Variants in COL21A1 observed in about 807,000 individuals in gnomAD.
The protein encoded by COL21A1 is collagen alpha-1(XXI) chain.
In COL21A1, 149 loss-of-function variants were observed where a neutral mutation model predicts 137.9. The observed-to-expected ratio is 1.08, with a 90% CI of 0.95 to 1.24. COL21A1 has a LOEUF of 1.24. Ranked by LOEUF, COL21A1 falls within the 50% of genes most tolerant of loss-of-function variation. COL21A1 has a pLI of 0.00. For missense variants in COL21A1, 1,167 were observed against 1,158.4 expected, an observed-to-expected ratio of 1.01 and a Z score of -0.11; for synonymous variants, 456 against 391.5, an observed-to-expected ratio of 1.16 and a Z score of -1.95.
At chr6:56,255,334 G>GGT (rs71783697) in intron 1 of COL21A1, among the ~76,000 whole-genome samples, 32,102 of 145,214 alleles carry the variant, frequency 0.22, 3,647 homozygotes, top group African/African-American at 0.27. Flanking sequence ...TTGTTAAGAG[G>GGT]GTGTGTGTGT....
chr6:56,267,233 A>G (rs1236189592), intron 1 of COL21A1, among the ~76,000 whole-genome samples: 2 of 152,252 alleles, frequency 1.3e-5, no homozygotes, highest in African/African-American at 4.8e-5. Context: ...AAGAGTGTAC[A>G]GCAGAGTCTG....
At chr6:56,091,521 A>G (rs1582307745) in intron 17 of COL21A1, 1 of 152,750 alleles carries the variant, frequency 6.5e-6, no homozygotes. Flanking sequence ...GAAACACGGC[A>G]TTCTTTTTCT....
At position 56,098,656 on chromosome 6, in the gene COL21A1, AAT is replaced by A. The variant is rs1310920259; in HGVS notation, c.1812+2814_1812+2815del. On this transcript the variant is annotated intron_variant, in intron 17 of 29. Coordinates refer to ENST00000244728, the MANE Select transcript of COL21A1 (RefSeq NM_030820.4). ...ATATATAAATATATATAAATATATA[AAT>A]ATATATAAATATATATATAAATATA... Among the ~76,000 whole-genome samples, 2 of 20,410 alleles carry A rather than the reference AAT, an allele frequency of 9.8e-5. 1 individual carries two copies. The highest frequency in any genetic ancestry group is 1.5e-4 in the Non-Finnish European group (2 of 13,410). The allele number at this position is 20,410 out of a possible 152,430, so 13.4% of individuals were successfully genotyped here. A position where few individuals can be genotyped will look rare whatever the true frequency, so the allele number is the denominator to read the frequency against.
At chr6:56,309,333 C>T (rs111985502) in intron 1 of COL21A1, among the ~76,000 whole-genome samples, 12,231 of 152,192 alleles carry the variant, frequency 0.08, 547 homozygotes, top group Middle Eastern at 0.14. Context: ...CCACCGTGCC[C>T]GGCCAATAAT....
chr6:56,086,662 A>G (rs942888794), intron 17 of COL21A1, among the ~76,000 whole-genome samples: 16 of 152,106 alleles, frequency 1.1e-4, no homozygotes. Flanking sequence ...TGGAAGGGGT[A>G]AAAGGGGAAG....
Position 56,277,939 on chromosome 6 carries a change from A to T in COL21A1, c.-38-95283T>A, listed in dbSNP as rs1388564757. On this transcript the variant is annotated intron_variant, in intron 1 of 28. Coordinates refer to the COL21A1 transcript ENST00000370819. Reference sequence around the variant, plus strand: ...CTTAAATCATAATTTGTTAATTCTCATATGTTTTTATATAATTTTGGTCAA... The same window carrying T: ...CTTAAATCATAATTTGTTAATTCTCTTATGTTTTTATATAATTTTGGTCAA... Among the ~76,000 whole-genome samples the T allele has an allele frequency of 2.0e-5, 3 of 152,206 alleles. No individual in the cohort carries two copies. In the East Asian group the frequency reaches 5.8e-4, roughly 29 times the overall value.
At chr6:56,099,789 G>A (rs1028237066) in intron 17 of COL21A1, among the ~76,000 whole-genome samples, 1 of 151,972 alleles carries the variant, frequency 6.6e-6, no homozygotes, top group African/African-American at 2.4e-5. Flanking sequence ...TTAAATAACA[G>A]CAATTATGGC....
chr6:56,287,379 A>G (rs1460941254), intron 1 of COL21A1, among the ~76,000 whole-genome samples: 1 of 152,108 alleles, frequency 6.6e-6, no homozygotes. Flanking sequence ...ACCAAATCTC[A>G]TGTTGAATTG....
upstream of COL21A1, among the ~76,000 whole-genome samples, chr6:56,251,618 G>T (rs539525521): frequency 2.6e-5 from 4 of 152,310 alleles, no homozygotes; most frequent in African/African-American, 9.6e-5. Context: ...GAATATTAAA[G>T]TTATTTGGCA....
At chr6:56,294,240 A>G (rs1001127415) in intron 1 of COL21A1, among the ~76,000 whole-genome samples, 1 of 152,138 alleles carries the variant, frequency 6.6e-6, no homozygotes, top group Non-Finnish European at 1.5e-5. Flanking sequence ...AATTTATTGC[A>G]TTGTGTGAGG....
At chr6:56,135,133 A>G (rs1388219677) in intron 12 of COL21A1, among the ~76,000 whole-genome samples, 1 of 152,166 alleles carries the variant, frequency 6.6e-6, no homozygotes, top group Non-Finnish European at 1.5e-5. Context: ...AAAAAGAAGA[A>G]AAAACTATTT....
At position 56,062,437 on chromosome 6, in the gene COL21A1, G is replaced by A. The variant is rs188423628; in HGVS notation, c.2173-756C>T. ...AAAGGTATTAACATTTTCCATTTTTGAAATTCATTGTACACCTGGGCTCAA... is the reference window on the plus strand; with the variant it reads ...AAAGGTATTAACATTTTCCATTTTTAAAATTCATTGTACACCTGGGCTCAA... On this transcript the variant is annotated intron_variant, in intron 24 of 29. Coordinates refer to ENST00000244728, the MANE Select transcript of COL21A1 (RefSeq NM_030820.4). 1.3e-3 allele frequency among the ~76,000 whole-genome samples: 198 copies of A among 152,160 alleles called. 1 individual carries two copies. The highest frequency in any genetic ancestry group is 4.4e-3 in the African/African-American group (181 of 41,534).
At chr6:56,080,958 G>A (rs2114150816) in intron 17 of COL21A1, among the ~76,000 whole-genome samples, 1 of 151,886 alleles carries the variant, frequency 6.6e-6, no homozygotes, top group Non-Finnish European at 1.5e-5. Flanking sequence ...GCCAGCCCAT[G>A]TCCTAATAGC....
chr6:56,264,079 T>C (rs1763343211), intron 1 of COL21A1, among the ~76,000 whole-genome samples: 1 of 152,178 alleles, frequency 6.6e-6, no homozygotes, highest in South Asian at 2.1e-4. Flanking sequence ...TTATGATACA[T>C]AGCACATAAG....
intron 1 of COL21A1, among the ~76,000 whole-genome samples, chr6:56,391,268 A>G (rs575715775): frequency 6.6e-5 from 10 of 152,266 alleles, no homozygotes; most frequent in African/African-American, 2.4e-4. Context: ...ATTTTGTGAA[A>G]CATACCAAAA....
chr6:56,303,636 G>C (rs1220125510), intron 1 of COL21A1, among the ~76,000 whole-genome samples: 1 of 152,150 alleles, frequency 6.6e-6, no homozygotes, highest in East Asian at 1.9e-4. Flanking sequence ...TTGGGGCTGA[G>C]ACCACGGGGT....
At chr6:56,268,063 C>A (rs1159610522) in intron 1 of COL21A1, among the ~76,000 whole-genome samples, 1 of 152,128 alleles carries the variant, frequency 6.6e-6, no homozygotes, top group Non-Finnish European at 1.5e-5. Flanking sequence ...AGAGGCCGTT[C>A]CCAGTATCCC....
intron 1 of COL21A1, among the ~76,000 whole-genome samples, chr6:56,303,842 C>T (rs919913350): frequency 2.6e-5 from 4 of 152,150 alleles, no homozygotes; most frequent in African/African-American, 4.8e-5. Context: ...AGTTTTTGCC[C>T]ATTCAGTATG....
At chr6:56,125,154 G>T (rs920414393) in intron 14 of COL21A1, among the ~76,000 whole-genome samples, 1 of 150,874 alleles carries the variant, frequency 6.6e-6, no homozygotes, top group African/African-American at 2.4e-5. Context: ...CTGAGCAGCT[G>T]GGACTACAGG....
Sources: allele counts gnomAD v4.1 joint callset (sites outside exome capture counted in the v4.1 genomes callset), GRCh38; gene constraint gnomAD v4.1.1; transcripts MANE v1.5; gene names NCBI Gene and HGNC (gene_info 2026-07-23, HGNC 2026-07-21).